TOR1AIP1: variants seen among roughly 807,000 people sequenced by gnomAD.
The protein encoded by TOR1AIP1 is torsin-1A-interacting protein 1.
A neutral mutation model predicts 63.3 loss-of-function variants in TOR1AIP1; 54 were observed. That is an observed-to-expected ratio of 0.85 (90% CI 0.69 to 1.07). The LOEUF (loss-of-function observed/expected upper bound fraction) is 1.07, where lower values mean the gene tolerates loss of function less well. Among genes scored for constraint, TOR1AIP1 ranks in the 50% least tolerant of loss-of-function variants. The probability of loss-of-function intolerance (pLI) is 0.00; values close to 1 mark genes in which losing one functional copy is unlikely to be tolerated. For missense variants in TOR1AIP1, 736 were observed against 715.0 expected (o/e 1.03, Z -0.33); for synonymous variants, 294 against 273.5 (o/e 1.07, Z -0.74).
intron 5 of TOR1AIP1, 127 bp from the exon 6 acceptor site, chr1:179,903,839 C>T (rs962780838): frequency 2.7e-5 from 16 of 590,406 alleles, no homozygotes; most frequent in Non-Finnish European, 4.5e-5. Flanking sequence ...TATGCATCCA[C>T]GTTTTTAACC....
intron 5 of TOR1AIP1, among the ~76,000 whole-genome samples, chr1:179,902,740 C>G (rs1487028682): frequency 6.6e-6 from 1 of 152,112 alleles, no homozygotes; most frequent in East Asian, 1.9e-4. Context: ...CTGTGTTCCT[C>G]AGTCTTGTCA....
chr1:179,884,961 A>G (rs1647871422), intron 2 of TOR1AIP1, among the ~76,000 whole-genome samples, 192 bp downstream of exon 2: 1 of 152,266 alleles, frequency 6.6e-6, no homozygotes, highest in South Asian at 2.1e-4. Context: ...TGAAACACAG[A>G]GAAGCTAAGA....
intron 8 of TOR1AIP1, among the ~76,000 whole-genome samples, chr1:179,911,294 C>T (rs1369945823): frequency 6.6e-6 from 1 of 152,184 alleles, no homozygotes; most frequent in Admixed American, 6.5e-5. Flanking sequence ...GTTTTCCTAG[C>T]ATTCCACATT....
At chr1:179,900,680 ATGAG>A (rs1648429857) in intron 4 of TOR1AIP1, 1 of 152,288 alleles carries the variant, frequency 6.6e-6, no homozygotes, top group South Asian at 2.1e-4. Flanking sequence ...GACAGATAGA[ATGAG>A]TGATGACAGC....
At chr1:179,887,026 T>C (rs1052462531) in intron 2 of TOR1AIP1, among the ~76,000 whole-genome samples, 1 of 152,220 alleles carries the variant, frequency 6.6e-6, no homozygotes, top group Non-Finnish European at 1.5e-5. Context: ...AGTTTAACTT[T>C]GATATTCAAA....
intron 8 of TOR1AIP1, among the ~76,000 whole-genome samples, chr1:179,911,904 T>A (rs1648843970): frequency 6.6e-6 from 1 of 152,106 alleles, no homozygotes; most frequent in South Asian, 2.1e-4. Context: ...TGCCCTCTAC[T>A]CTTGATGGTT....
chr1:179,917,957 G>C lies in TOR1AIP1; in HGVS notation c.1470G>C (p.Leu490Phe). Residue 490 changes from leucine to phenylalanine, a missense_variant, in exon 10 of 10, where the codon TTG becomes TTC. By Grantham distance (22) the Leu-to-Phe change is conservative (BLOSUM62 0). This residue lies in a region of TOR1AIP1 where 272 missense variants were observed against 344.1 expected (regional missense o/e 0.79). Transcript: ENST00000606911. The part of the protein sequence containing the change: ...RFESFPAGST[L>F]IFYKYCDHEN... ...AGTCATTTCCCGCAGGCTCTACTTT[G>C]ATCTTCTACAAATATTGTGACCATG... 6.2e-7 allele frequency: 1 copy of C among 1,614,234 alleles called. No individual in the cohort carries two copies. Among genetic ancestry groups the C allele is most frequent in the South Asian group, 1.1e-5 (1 of 91,080 alleles).
At chr1:179,900,495 C>T (rs966106827) in intron 4 of TOR1AIP1, 29 of 165,528 alleles carry the variant, frequency 1.8e-4, no homozygotes, top group Non-Finnish European at 3.5e-4. Flanking sequence ...CCGTGCTGAT[C>T]AGTAGTGGGA....
At chr1:179,883,327 C>T (rs1647801261) in intron 1 of TOR1AIP1, among the ~76,000 whole-genome samples, 1 of 152,180 alleles carries the variant, frequency 6.6e-6, no homozygotes, top group Non-Finnish European at 1.5e-5. Flanking sequence ...CATTTCGGTT[C>T]CCTCTACCCT....
At chr1:179,913,610 T>C in intron 8 of TOR1AIP1, 2 of 702,424 alleles carry the variant, frequency 2.8e-6, no homozygotes, top group South Asian at 3.0e-5. Context: ...AAGAGTTCAA[T>C]ATATGGCAGT....
At position 179,919,544 on chromosome 1, in the gene TOR1AIP1, ATTTC is replaced by A. The variant is rs940519812; in HGVS notation, c.*1309_*1312del. ...AATTTATATGAAGGGTGTGAAATGT[ATTTC>A]TTTACTACTATAGTAGTTTAGTTAT... On this transcript the variant is annotated 3_prime_UTR_variant, in exon 10 of 10. Coordinates refer to ENST00000606911, the MANE Select transcript of TOR1AIP1 (RefSeq NM_015602.4). 7.2e-5 allele frequency: 11 copies of A among 152,210 alleles called. No individual in the cohort carries two copies. Among genetic ancestry groups the A allele is most frequent in the African/African-American group, 2.4e-4 (10 of 41,442 alleles). The allele number at this position is 152,210 out of a possible 1,614,324, so 9.4% of individuals were successfully genotyped here.
chr1:179,889,461 T>C, intron 3 of TOR1AIP1, 92 bp downstream of exon 3: 1 of 1,103,260 alleles, frequency 9.1e-7, no homozygotes, highest in East Asian at 2.5e-5. Flanking sequence ...GATTCAGAAC[T>C]TAAAAGTTAC....
chr1:179,891,479 T>C (rs1648077221), intron 3 of TOR1AIP1, among the ~76,000 whole-genome samples: 1 of 152,152 alleles, frequency 6.6e-6, no homozygotes, highest in African/African-American at 2.4e-5. Flanking sequence ...CCACTTGGCC[T>C]CCCAAAGTGC....
At chr1:179,909,765 G>T (rs910804175) in intron 8 of TOR1AIP1, among the ~76,000 whole-genome samples, 1 of 151,738 alleles carries the variant, frequency 6.6e-6, no homozygotes, top group African/African-American at 2.4e-5. Flanking sequence ...GTTTTGTTTT[G>T]TTTTGGGTTT....
At chr1:179,913,325 A>G (rs1174491498) in intron 8 of TOR1AIP1, among the ~76,000 whole-genome samples, 3 of 152,032 alleles carry the variant, frequency 2.0e-5, no homozygotes. Context: ...AGAGAAAATT[A>G]TTTTTGAGCT....
At position 179,882,363 on chromosome 1, in the gene TOR1AIP1, C is replaced by A. The variant is rs964830144; in HGVS notation, c.-140C>A. ...TACACAGCAGCGACGACGCAGGCGG[C>A]GGCCCCAGCGACTCGCAACTGCCTC... On this transcript the variant is annotated 5_prime_UTR_variant, in exon 1 of 10. Transcript: ENST00000606911. 7 of 818,070 alleles carry A rather than the reference C, an allele frequency of 8.6e-6. No individual in the cohort carries two copies. The East Asian group carries it at 2.2e-4, about 26-fold the overall frequency. The allele number at this position is 818,070 out of a possible 1,614,324, so 50.7% of individuals were successfully genotyped here.
Position 179,882,739 on chromosome 1 carries a change from C to T in TOR1AIP1, c.237C>T (p.Ser79=), listed in dbSNP as rs757780368. Residue 79 remains serine (S), a synonymous_variant, in exon 1 of 10, where the codon TCC becomes TCT. Coordinates refer to ENST00000606911, the MANE Select transcript of TOR1AIP1 (RefSeq NM_015602.4). ...DFEPLVAKER[S]PVGKRTRLEE... ...AGCCCCTGGTGGCCAAAGAAAGGTC[C>T]CCGGTGGGAAAACGAACCCGGCTAG... The T allele has an allele frequency of 1.2e-6, 2 of 1,614,066 alleles. No homozygotes were observed. The highest frequency in any genetic ancestry group is 1.7e-6 in the Non-Finnish European group (2 of 1,180,006).
intron 3 of TOR1AIP1, among the ~76,000 whole-genome samples, chr1:179,890,020 A>G (rs1339849411): frequency 6.6e-6 from 1 of 152,190 alleles, no homozygotes; most frequent in Admixed American, 6.5e-5. Flanking sequence ...TCATATATAA[A>G]AAGCTTCCTT....
chr1:179,899,642 C>T (rs1193058166), intron 3 of TOR1AIP1, among the ~76,000 whole-genome samples: 1 of 152,104 alleles, frequency 6.6e-6, no homozygotes, highest in Non-Finnish European at 1.5e-5. Context: ...AAATTAAACA[C>T]TTCATTTCCT....
Sources: gnomAD v4.1 joint callset for allele counts (sites outside exome capture counted in the v4.1 genomes callset) on GRCh38, gnomAD v4.1.1 for gene constraint, gnomAD v4.1.1 regional missense constraint, MANE v1.5 for transcripts, NCBI Gene and HGNC (gene_info 2026-07-23, HGNC 2026-07-21) for gene names.